Variants in ATXN7L1 observed in about 807,000 individuals in gnomAD.
ATXN7L1 encodes ataxin-7-like protein 1.
Under a neutral mutation model 70.8 loss-of-function variants are expected in ATXN7L1, and 15 were observed. The observed-to-expected ratio is 0.21, with a 90% CI of 0.14 to 0.33. The LOEUF is 0.33. ATXN7L1 is among the 10% of genes least tolerant of loss of function. The pLI is 1.00. For synonymous variants in ATXN7L1, 440 were observed against 445.1 expected (o/e 0.99, Z 0.14); for missense variants, 975 against 1,097.1 (o/e 0.89, Z 1.57).
chr7:105,683,740 C>T (rs893671420), intron 3 of ATXN7L1, among the ~76,000 whole-genome samples: 5 of 152,136 alleles, frequency 3.3e-5, no homozygotes, highest in Admixed American at 6.5e-5. Flanking sequence ...TGCCACCACA[C>T]ACAAACACAC....
chr7:105,695,568 G>A (rs1477336055), intron 3 of ATXN7L1, among the ~76,000 whole-genome samples: 4 of 152,298 alleles, frequency 2.6e-5, no homozygotes, highest in East Asian at 1.9e-4. Context: ...AAGTTGCAGC[G>A]AAGTGGAATG....
intron 2 of ATXN7L1, among the ~76,000 whole-genome samples, chr7:105,852,162 T>G (rs1460442402): frequency 4.6e-5 from 7 of 152,056 alleles, no homozygotes; most frequent in Non-Finnish European, 7.4e-5. Context: ...CTCTCTCTAG[T>G]CCCCCATGAA....
intron 3 of ATXN7L1, among the ~76,000 whole-genome samples, chr7:105,681,912 T>A (rs1357853210): frequency 2.6e-5 from 4 of 152,098 alleles, no homozygotes; most frequent in Non-Finnish European, 5.9e-5. Flanking sequence ...GTATAGAGTT[T>A]CGGTTTTGCA....
intron 4 of ATXN7L1, among the ~76,000 whole-genome samples, chr7:105,643,943 G>A (rs1294968325): frequency 2.0e-5 from 3 of 152,216 alleles, no homozygotes; most frequent in Non-Finnish European, 4.4e-5. Context: ...CTGGGGGGCT[G>A]TGGAGAACTC....
chr7:105,828,599 A>G (rs1367415513), intron 2 of ATXN7L1, among the ~76,000 whole-genome samples: 1 of 152,236 alleles, frequency 6.6e-6, no homozygotes, highest in Non-Finnish European at 1.5e-5. Context: ...TATCAAACAC[A>G]TACTCTATGC....
chr7:105,662,417 CT>C (rs2116051396), intron 4 of ATXN7L1, among the ~76,000 whole-genome samples: 1 of 152,228 alleles, frequency 6.6e-6, no homozygotes, highest in East Asian at 1.9e-4. Context: ...CTTTCTGCCC[CT>C]TTTTGCCCCT....
At position 105,642,860 on chromosome 7, in the gene ATXN7L1, G is replaced by C. The variant is rs749719719; in HGVS notation, c.840C>G (p.Asn280Lys). 1.9e-6 allele frequency: 3 copies of C among 1,551,678 alleles called. No individual in the cohort carries two copies. The highest frequency in any genetic ancestry group is 2.6e-6 in the Non-Finnish European group (3 of 1,146,964). ...KKHQNGTKNS[N>K]KPYRRLSERE... ...TACCTGAAAGTCTCCTGTAAGGCTTGTTGCTGTTTTTGGTGCCATTTTGGT... is the reference window on the plus strand; with the variant it reads ...TACCTGAAAGTCTCCTGTAAGGCTTCTTGCTGTTTTTGGTGCCATTTTGGT... The change falls in exon 5 of 12, where the codon AAC becomes AAG. Residue 280 changes from asparagine (N) to lysine (K), a missense_variant. Transcript: ENST00000419735.
chr7:105,651,872 C>A (rs375201370), intron 4 of ATXN7L1, among the ~76,000 whole-genome samples: 1 of 152,158 alleles, frequency 6.6e-6, no homozygotes, highest in African/African-American at 2.4e-5. Context: ...AGATGCCTCC[C>A]AGAGAAATAA....
At chr7:105,688,623 C>T (rs1790302485) in intron 3 of ATXN7L1, among the ~76,000 whole-genome samples, 1 of 152,148 alleles carries the variant, frequency 6.6e-6, no homozygotes, top group Admixed American at 6.5e-5. Flanking sequence ...TACCTTATGC[C>T]CTGGCGTAAG....
Position 105,614,960 on chromosome 7 carries a change from A to C in ATXN7L1, c.1518-144T>G, listed in dbSNP as rs1467958144. The C allele has an allele frequency of 1.0e-6, 1 of 1,004,652 alleles. No individual in the cohort carries two copies. Among genetic ancestry groups the C allele is most frequent in the Admixed American group, 2.9e-5 (1 of 33,908 alleles). The allele number at this position is 1,004,652 out of a possible 1,614,324, so 62.2% of individuals were successfully genotyped here. A position where few individuals can be genotyped will look rare whatever the true frequency, so the allele number is the denominator to read the frequency against. ...GGAGAATGGAGCCTTGAAGGATGGGAGAATCTGAAGCATGGCCCCTCCTTA... is the reference window on the plus strand; with the variant it reads ...GGAGAATGGAGCCTTGAAGGATGGGCGAATCTGAAGCATGGCCCCTCCTTA... On this transcript the variant is annotated intron_variant, in intron 9 of 11. Coordinates refer to ENST00000419735, the MANE Select transcript of ATXN7L1 (RefSeq NM_020725.2). This position sits in a 1 kb window ranked among gnomAD's most constrained non-coding sequence, Gnocchi z 4.3.
intron 3 of ATXN7L1, 56 bp downstream of exon 3, chr7:105,788,548 G>A (rs752229350): frequency 1.9e-4 from 261 of 1,401,768 alleles, no homozygotes; most frequent in Middle Eastern, 8.9e-4. Flanking sequence ...AGGGGAAGGC[G>A]ACTGTCCCCA....
intron 4 of ATXN7L1, among the ~76,000 whole-genome samples, chr7:105,651,676 G>T (rs923153807): frequency 1.3e-4 from 20 of 152,186 alleles, no homozygotes; most frequent in Non-Finnish European, 2.6e-4. Context: ...TACTTCACAA[G>T]CCCACCTGCT....
intron 3 of ATXN7L1, among the ~76,000 whole-genome samples, chr7:105,720,563 C>T (rs1795072091): frequency 6.6e-6 from 1 of 152,146 alleles, no homozygotes; most frequent in African/African-American, 2.4e-5. Context: ...GGACTACAGG[C>T]ATGTGCCACC....
chr7:105,634,231 G>A (rs925057061), intron 7 of ATXN7L1, among the ~76,000 whole-genome samples: 4 of 152,112 alleles, frequency 2.6e-5, no homozygotes, highest in South Asian at 4.1e-4. Context: ...TACATCACCC[G>A]TCCCCTGTCT....
chr7:105,864,238 C>A (rs996603854), intron 2 of ATXN7L1, among the ~76,000 whole-genome samples: 1 of 151,928 alleles, frequency 6.6e-6, no homozygotes, highest in Non-Finnish European at 1.5e-5. Flanking sequence ...GGAGGATCAC[C>A]TGGGCTCAGG....
In ATXN7L1 at chr7:105,614,653, C is replaced by G; in HGVS notation, c.1681G>C (p.Ala561Pro). 6.4e-7 allele frequency: 1 copy of G among 1,551,650 alleles called. No homozygotes were observed. The highest frequency in any genetic ancestry group is 8.7e-7 in the Non-Finnish European group (1 of 1,147,014). The stretch of plus-strand genomic sequence containing the variant: ...ACGAAAGCTGCGTTTGAGAGCATGG[C>G]TGATGTCATTATGTAAGAAGAGGTG... Reference protein sequence around the residue: ...RLTSSYIMTSAMLSNAAFVTS... With the variant: ...RLTSSYIMTSPMLSNAAFVTS... Residue 561 changes from alanine (A) to proline (P), a missense_variant, in exon 10 of 12, where the codon GCC (alanine) becomes CCC (proline). Transcript: ENST00000419735. This position sits in a 1 kb window ranked among gnomAD's most constrained non-coding sequence, Gnocchi z 4.3.
chr7:105,664,487 CATATATGTATA>C (rs145743727), intron 4 of ATXN7L1, among the ~76,000 whole-genome samples: 22,621 of 139,662 alleles, frequency 0.16, 2,160 homozygotes, highest in East Asian at 0.31. Context: ...TATATGTATA[CATATATGTATA>C]ATATATGTAT....
chr7:105,790,606 T>TCTATCTATC (rs1320463571), intron 2 of ATXN7L1, among the ~76,000 whole-genome samples: 2 of 133,560 alleles, frequency 1.5e-5, no homozygotes, highest in African/African-American at 2.9e-5. Flanking sequence ...AAGAAAAAAA[T>TCTATCTATC]TATCTATCTA....
chr7:105,690,647 G>A (rs770235613), intron 3 of ATXN7L1, among the ~76,000 whole-genome samples: 3 of 152,050 alleles, frequency 2.0e-5, no homozygotes, highest in African/African-American at 4.8e-5. Context: ...AGGTTCTCCC[G>A]GACCATTAGA....
Sources: allele counts gnomAD v4.1 joint callset (sites outside exome capture counted in the v4.1 genomes callset), GRCh38; gene constraint gnomAD v4.1.1; non-coding constraint Gnocchi (gnomAD v3.1); transcripts MANE v1.5; gene names NCBI Gene and HGNC (gene_info 2026-07-23, HGNC 2026-07-21).